The following MACROD2 variants were observed in gnomAD, a reference collection of about 807,000 sequenced individuals.
MACROD2 encodes ADP-ribose glycohydrolase MACROD2.
MACROD2 carries 36 observed loss-of-function variants against 70.4 expected under a neutral mutation model. That is an observed-to-expected ratio of 0.51 (90% CI 0.39 to 0.68). MACROD2 has a LOEUF of 0.68. Ranked by LOEUF, MACROD2 falls within the 30% of genes least tolerant of loss-of-function variation. The pLI is 0.00. For synonymous variants in MACROD2, 172 were observed against 178.8 expected, an observed-to-expected ratio of 0.96 and a Z score of 0.30; for missense variants, 496 against 538.4, an observed-to-expected ratio of 0.92 and a Z score of 0.78.
At chr20:15,148,113 T>G (rs905102614) in intron 5 of MACROD2, among the ~76,000 whole-genome samples, 4 of 151,110 alleles carry the variant, frequency 2.6e-5, no homozygotes, top group Non-Finnish European at 5.9e-5. Flanking sequence ...ATGGTGAAAA[T>G]TTTTGGGGGG....
chr20:14,624,863 T>A (rs1267622668), intron 4 of MACROD2, among the ~76,000 whole-genome samples: 1 of 152,232 alleles, frequency 6.6e-6, no homozygotes, highest in East Asian at 1.9e-4. Flanking sequence ...AATGTACTGC[T>A]GCAGCACTAC....
chr20:16,028,873 T>C (rs1043195907), intron 15 of MACROD2, among the ~76,000 whole-genome samples: 2 of 152,194 alleles, frequency 1.3e-5, no homozygotes, highest in Non-Finnish European at 2.9e-5. Flanking sequence ...ATACAATCAA[T>C]TGTATCTTTG....
At chr20:14,015,941 A>G (rs1188304131) in intron 2 of MACROD2, among the ~76,000 whole-genome samples, 1 of 152,244 alleles carries the variant, frequency 6.6e-6, no homozygotes, top group Non-Finnish European at 1.5e-5. Flanking sequence ...ATATTGGTTT[A>G]GAAGTATCTT....
chr20:14,275,911 A>G (rs1235672423), intron 3 of MACROD2, among the ~76,000 whole-genome samples: 1 of 152,248 alleles, frequency 6.6e-6, no homozygotes, highest in African/African-American at 2.4e-5. Context: ...AAAAATGCAA[A>G]TCAAAACCAC....
intron 5 of MACROD2, among the ~76,000 whole-genome samples, chr20:14,833,636 A>C (rs1390449789): frequency 6.6e-6 from 1 of 151,992 alleles, no homozygotes; most frequent in African/African-American, 2.4e-5. Context: ...CTCTTTTAAA[A>C]CTTCAATTAT....
At chr20:15,570,108 A>T (rs1243930365) in intron 8 of MACROD2, among the ~76,000 whole-genome samples, 1 of 152,188 alleles carries the variant, frequency 6.6e-6, no homozygotes, top group Non-Finnish European at 1.5e-5. Flanking sequence ...TATATGAAAC[A>T]ATTCCTATTG....
At chr20:15,794,188 TAAC>T (rs1170631923) in intron 8 of MACROD2, among the ~76,000 whole-genome samples, 7 of 152,224 alleles carry the variant, frequency 4.6e-5, no homozygotes, top group South Asian at 2.1e-4. Flanking sequence ...TTTAGAGCAA[TAAC>T]AACAACGACA....
At chr20:14,806,600 T>C (rs879345401) in intron 5 of MACROD2, among the ~76,000 whole-genome samples, 14 of 151,960 alleles carry the variant, frequency 9.2e-5, no homozygotes, top group Admixed American at 9.2e-4. Flanking sequence ...AACCATTCAC[T>C]CCCCTGGAAA....
chr20:14,522,591 G>C (rs117457567), intron 4 of MACROD2, among the ~76,000 whole-genome samples: 2 of 152,276 alleles, frequency 1.3e-5, no homozygotes, highest in African/African-American at 4.8e-5. Flanking sequence ...TCTTGTTTGT[G>C]GAACGTCAAA....
chr20:14,939,836 T>C (rs1347333196), intron 5 of MACROD2, among the ~76,000 whole-genome samples: 1 of 152,076 alleles, frequency 6.6e-6, no homozygotes, highest in East Asian at 1.9e-4. Flanking sequence ...ATTAAATTGA[T>C]TCCTAAGTAT....
At chr20:15,019,350 A>C (rs2122957344) in intron 5 of MACROD2, among the ~76,000 whole-genome samples, 1 of 152,226 alleles carries the variant, frequency 6.6e-6, no homozygotes, top group Admixed American at 6.5e-5. Flanking sequence ...AAAATTTAAA[A>C]CCCCAAAATG....
intron 6 of MACROD2, among the ~76,000 whole-genome samples, chr20:15,356,275 G>A (rs1365908195): frequency 1.3e-5 from 2 of 152,140 alleles, no homozygotes; most frequent in Non-Finnish European, 2.9e-5. Context: ...GTATTGCTGA[G>A]AGAATAAGAT....
At chr20:14,766,955 G>C (rs1473967479) in intron 5 of MACROD2, among the ~76,000 whole-genome samples, 2 of 152,082 alleles carry the variant, frequency 1.3e-5, no homozygotes, top group African/African-American at 4.8e-5. Flanking sequence ...TAAGCCGTTG[G>C]TATAACATCA....
At chr20:15,196,765 A>C (rs759405554) in intron 5 of MACROD2, 2 of 515,302 alleles carry the variant, frequency 3.9e-6, no homozygotes, top group Non-Finnish European at 5.0e-6. Flanking sequence ...TGTACTTGAA[A>C]TCAGGAAGTA....
chr20:14,205,058 T>C (rs961760188), intron 3 of MACROD2, among the ~76,000 whole-genome samples: 10 of 152,166 alleles, frequency 6.6e-5, no homozygotes, highest in Non-Finnish European at 1.5e-4. Flanking sequence ...CTGTTTCAGA[T>C]TTCAAAAATC....
At chr20:15,829,361 C>T (rs1449647208) in intron 8 of MACROD2, among the ~76,000 whole-genome samples, 2 of 152,152 alleles carry the variant, frequency 1.3e-5, no homozygotes, top group Non-Finnish European at 2.9e-5. Flanking sequence ...CGTGTTGTCT[C>T]ACCAGTTGAT....
intron 4 of MACROD2, among the ~76,000 whole-genome samples, chr20:14,595,821 T>G (rs1687919678): frequency 6.6e-6 from 1 of 152,206 alleles, no homozygotes; most frequent in Non-Finnish European, 1.5e-5. Context: ...ATATATGTAA[T>G]CTTTATATTG....
At chr20:15,214,946 G>A (rs888143253) in intron 5 of MACROD2, among the ~76,000 whole-genome samples, 26 of 152,126 alleles carry the variant, frequency 1.7e-4, no homozygotes, top group African/African-American at 6.0e-4. Context: ...TTGTAACAAG[G>A]CATATAAATC....
intron 3 of MACROD2, among the ~76,000 whole-genome samples, chr20:14,319,656 G>A (rs2082641482): frequency 6.6e-6 from 1 of 152,036 alleles, no homozygotes. Context: ...TTCATATTCA[G>A]TGGTGACCTC....
Sources: gnomAD v4.1 joint callset for allele counts (sites outside exome capture counted in the v4.1 genomes callset) on GRCh38, gnomAD v4.1.1 for gene constraint, MANE v1.5 for transcripts, NCBI Gene and HGNC (gene_info 2026-07-23, HGNC 2026-07-21) for gene names.